Variants in VAV3 observed in about 807,000 individuals in gnomAD.
VAV3 encodes guanine nucleotide exchange factor VAV3.
Under a neutral mutation model 131.2 loss-of-function variants are expected in VAV3, and 94 were observed. The observed-to-expected ratio is 0.72, with a 90% CI of 0.61 to 0.85. The LOEUF (loss-of-function observed/expected upper bound fraction) is 0.85, where lower values mean the gene tolerates loss of function less well. Among genes scored for constraint, VAV3 ranks in the 40% least tolerant of loss-of-function variants. VAV3 has a pLI of 0.00. For missense variants in VAV3, 939 were observed against 1,002.7 expected, an observed-to-expected ratio of 0.94 and a Z score of 0.86; for synonymous variants, 349 against 342.0, an observed-to-expected ratio of 1.02 and a Z score of -0.22.
At chr1:107,808,383 A>G (rs771032532) in intron 2 of VAV3, among the ~76,000 whole-genome samples, 96 of 152,324 alleles carry the variant, frequency 6.3e-4, no homozygotes, top group Admixed American at 3.3e-3. Flanking sequence ...ACTAAAACTC[A>G]AAAGAGTCAC....
chr1:107,903,100 G>GA (rs746032618), intron 1 of VAV3, among the ~76,000 whole-genome samples: 4 of 151,938 alleles, frequency 2.6e-5, no homozygotes, highest in African/African-American at 4.8e-5. Flanking sequence ...AAAAAGAAAA[G>GA]AAAAAAATCG....
intron 2 of VAV3, 66 bp downstream of exon 2, chr1:107,874,835 G>C (rs1670414383): frequency 9.2e-6 from 13 of 1,411,144 alleles, no homozygotes; most frequent in African/African-American, 1.4e-5. Context: ...CCTACTTCAA[G>C]ATTTGAAACA....
intron 25 of VAV3, among the ~76,000 whole-genome samples, chr1:107,575,022 CGCGCGT>C (rs1570541924): frequency 0.046 from 4,425 of 96,464 alleles, 87 homozygotes; most frequent in East Asian, 0.086. Flanking sequence ...CGCGCACACG[CGCGCGT>C]GTTTAATATT....
chr1:107,925,941 G>T (rs1673138244), intron 1 of VAV3, among the ~76,000 whole-genome samples: 1 of 151,148 alleles, frequency 6.6e-6, no homozygotes, highest in Admixed American at 6.6e-5. Flanking sequence ...TATAAACAGA[G>T]ATGTATCTCT....
chr1:107,932,494 A>G (rs1013131877), intron 1 of VAV3, among the ~76,000 whole-genome samples: 1 of 152,238 alleles, frequency 6.6e-6, no homozygotes, highest in African/African-American at 2.4e-5. Context: ...ACACAGCTCC[A>G]TAGGGTCTAT....
At chr1:107,845,704 T>C (rs900600854) in intron 2 of VAV3, among the ~76,000 whole-genome samples, 2 of 151,726 alleles carry the variant, frequency 1.3e-5, no homozygotes, top group African/African-American at 4.8e-5. Context: ...ATATCAGAGA[T>C]TGAAGATCAA....
chr1:107,624,181 T>C (rs1653821606), intron 20 of VAV3, among the ~76,000 whole-genome samples: 1 of 152,120 alleles, frequency 6.6e-6, no homozygotes, highest in Non-Finnish European at 1.5e-5. Flanking sequence ...AAGCTGTAGA[T>C]TTGAGATGAA....
At chr1:107,948,620 G>A (rs996823774) in intron 1 of VAV3, among the ~76,000 whole-genome samples, 13 of 152,204 alleles carry the variant, frequency 8.5e-5, no homozygotes, top group African/African-American at 2.9e-4. Flanking sequence ...GAGGTGGGCA[G>A]ATCACCTGAG....
chr1:107,751,021 T>G lies in VAV3; in HGVS notation c.1259+96A>C, dbSNP rs1325251058. 3.4e-6 allele frequency: 4 copies of G among 1,187,036 alleles called. No homozygotes were observed. In the Admixed American group the frequency reaches 1.0e-4, roughly 30 times the overall value. The allele number at this position is 1,187,036 out of a possible 1,614,324, so 73.5% of individuals were successfully genotyped here. A position where few individuals can be genotyped will look rare whatever the true frequency, so the allele number is the denominator to read the frequency against. On this transcript the variant is annotated intron_variant, in intron 13 of 26. Transcript: ENST00000370056. ...CTGTCTCCTTGTATTTCTTCCTTTT[T>G]TCCCCCTACTTCACACTGGAAAAAT... is the stretch of plus-strand genomic sequence containing the variant.
chr1:107,579,336 C>T (rs1649870624), intron 25 of VAV3, among the ~76,000 whole-genome samples: 1 of 152,184 alleles, frequency 6.6e-6, no homozygotes, highest in Admixed American at 6.5e-5. Context: ...GTTTTCATGA[C>T]ACTGCTATGA....
chr1:107,672,404 A>C (rs1038421840), intron 19 of VAV3: 6 of 152,062 alleles, frequency 3.9e-5, no homozygotes, highest in Admixed American at 6.6e-5. Context: ...AATAAGTTAA[A>C]TAAGTTATTA....
intron 23 of VAV3, 136 bp from the exon 24 acceptor site, chr1:107,602,620 G>T (rs1651951398): frequency 1.6e-6 from 1 of 607,756 alleles, no homozygotes; most frequent in Non-Finnish European, 2.7e-6. Flanking sequence ...CCAATACACT[G>T]GTGACAGCTA....
intron 2 of VAV3, among the ~76,000 whole-genome samples, chr1:107,823,099 A>G (rs1024135141): frequency 6.6e-6 from 1 of 152,170 alleles, no homozygotes; most frequent in Non-Finnish European, 1.5e-5. Flanking sequence ...CCCACTATCC[A>G]ATCGATGAGA....
intron 19 of VAV3, among the ~76,000 whole-genome samples, chr1:107,644,084 A>G (rs1655551273): frequency 6.6e-6 from 1 of 152,136 alleles, no homozygotes; most frequent in African/African-American, 2.4e-5. Flanking sequence ...TAACACCAAC[A>G]GCAGATTTCA....
intron 1 of VAV3, among the ~76,000 whole-genome samples, chr1:107,879,856 TG>T (rs1557898678): frequency 1.3e-5 from 2 of 152,218 alleles, no homozygotes; most frequent in Admixed American, 1.3e-4. Flanking sequence ...ATATAAGAGT[TG>T]CCAAGTAAGG....
chr1:107,608,481 T>C (rs1652469765), intron 22 of VAV3, among the ~76,000 whole-genome samples: 1 of 152,206 alleles, frequency 6.6e-6, no homozygotes, highest in Non-Finnish European at 1.5e-5. Flanking sequence ...TTCAGGACTA[T>C]AGTTTAAAAT....
At chr1:107,617,436 AATG>A (rs1653244071) in intron 21 of VAV3, 128 bp downstream of exon 21, 1 of 699,556 alleles carries the variant, frequency 1.4e-6, no homozygotes, top group Non-Finnish European at 2.2e-6. Flanking sequence ...TGTTGAAAAT[AATG>A]ATTCTTCCAG....
intron 15 of VAV3, among the ~76,000 whole-genome samples, chr1:107,748,717 G>A (rs1177676885): frequency 6.6e-6 from 1 of 152,108 alleles, no homozygotes; most frequent in Non-Finnish European, 1.5e-5. Flanking sequence ...ATGCCTATAA[G>A]AAAGTCAAAC....
At chr1:107,608,946 C>T (rs1536666) in intron 22 of VAV3, among the ~76,000 whole-genome samples, 54,141 of 151,996 alleles carry the variant, frequency 0.36, 9,975 homozygotes, top group Middle Eastern at 0.42. Context: ...AGAAGTCAAA[C>T]ACAAAATTCA....
Sources: gnomAD v4.1 joint callset for allele counts (sites outside exome capture counted in the v4.1 genomes callset) on GRCh38, gnomAD v4.1.1 for gene constraint, MANE v1.5 for transcripts, NCBI Gene and HGNC (gene_info 2026-07-23, HGNC 2026-07-21) for gene names.